LIPA: variants seen among roughly 807,000 people sequenced by gnomAD.
LIPA encodes lysosomal acid lipase/cholesteryl ester hydrolase.
In LIPA, 26 loss-of-function variants were observed where a neutral mutation model predicts 40.6. The observed-to-expected ratio is 0.64, with a 90% CI of 0.47 to 0.89. The LOEUF (loss-of-function observed/expected upper bound fraction) is 0.89. LIPA is among the 40% of genes least tolerant of loss of function. The pLI, the probability that LIPA is intolerant of heterozygous loss-of-function variation, is 0.00. For synonymous variants in LIPA, 188 were observed against 168.4 expected (o/e 1.12, Z -0.90); for missense variants, 455 against 479.6 (o/e 0.95, Z 0.48).
At chr10:89,320,031 A>C (rs1589599881) in intron 1 of LIPA, among the ~76,000 whole-genome samples, 1 of 152,234 alleles carries the variant, frequency 6.6e-6, no homozygotes, top group East Asian at 1.9e-4. Flanking sequence ...TTCATGCTAA[A>C]AACTCTCAAT....
intron 2 of LIPA, among the ~76,000 whole-genome samples, chr10:89,366,903 T>C (rs142161805): frequency 0.017 from 2,552 of 152,184 alleles, 36 homozygotes; most frequent in African/African-American, 0.04. Flanking sequence ...CTATTCACAA[T>C]AGCAAAGACT....
At position 89,404,941 on chromosome 10, in the gene LIPA, T is replaced by C. The variant is rs576147928; in HGVS notation, c.61+7850A>G. On this transcript the variant is annotated intron_variant, in intron 2 of 8. Coordinates refer to the LIPA transcript ENST00000371837. ...TGCCACTGCACTCCATTCTGGATGA[T>C]AGAACGAGACCCCATCTCAAAAAAA... 7 of 151,046 alleles carry C rather than the reference T, an allele frequency of 4.6e-5. No individual in the cohort carries two copies. In the South Asian group the frequency reaches 6.2e-4, roughly 13 times the overall value. The allele number at this position is 151,046 out of a possible 1,614,324, so 9.4% of individuals were successfully genotyped here. A position where few individuals can be genotyped will look rare whatever the true frequency, so the allele number is the denominator to read the frequency against.
chr10:89,306,095 C>A (rs369661844), intron 1 of LIPA: 38 of 1,613,950 alleles, frequency 2.4e-5, no homozygotes, highest in Non-Finnish European at 3.0e-5. Flanking sequence ...GTTTCAGAAT[C>A]GTGAATTCAA....
chr10:89,302,158 G>A, intron 1 of LIPA: 1 of 1,612,696 alleles, frequency 6.2e-7, no homozygotes, highest in Non-Finnish European at 8.5e-7. Flanking sequence ...ATTCGGTAGT[G>A]CTGTTGAGTC....
intron 1 of LIPA, among the ~76,000 whole-genome samples, chr10:89,328,395 G>A (rs1304807603): frequency 6.6e-6 from 1 of 152,164 alleles, no homozygotes; most frequent in Non-Finnish European, 1.5e-5. Context: ...GGCAGGAGCG[G>A]TGTATTTCAC....
chr10:89,305,968 C>T, intron 1 of LIPA: 1 of 1,608,856 alleles, frequency 6.2e-7, no homozygotes, highest in South Asian at 1.1e-5. Context: ...ACAGTGAGAA[C>T]AATAAGAATT....
chr10:89,409,669 C>A (rs1841455614), intron 2 of LIPA, among the ~76,000 whole-genome samples: 1 of 152,202 alleles, frequency 6.6e-6, no homozygotes, highest in Admixed American at 6.5e-5. Context: ...GTGCAGCTTT[C>A]TCAGTGTTAA....
intron 2 of LIPA, among the ~76,000 whole-genome samples, chr10:89,401,203 G>A (rs928925498): frequency 6.6e-6 from 1 of 150,504 alleles, no homozygotes; most frequent in African/African-American, 2.5e-5. Flanking sequence ...TGCAACCTCT[G>A]CCTCTCAGAC....
chr10:89,245,969 C>T (rs886930338), intron 2 of LIPA, among the ~76,000 whole-genome samples, 176 bp from the exon 3 acceptor site: 1 of 152,066 alleles, frequency 6.6e-6, no homozygotes, highest in African/African-American at 2.4e-5. Flanking sequence ...TAAATCCTCC[C>T]TTGTTTCACG....
At chr10:89,384,048 C>T (rs766778806) in intron 2 of LIPA, 1 of 1,614,134 alleles carries the variant, frequency 6.2e-7, no homozygotes, top group East Asian at 2.2e-5. Context: ...AAGCTCTGAC[C>T]AGTATATCTT....
At chr10:89,405,897 G>A (rs531844960) in intron 2 of LIPA, 3 of 152,198 alleles carry the variant, frequency 2.0e-5, no homozygotes, top group East Asian at 1.9e-4. Flanking sequence ...ACGATTGCGG[G>A]GGGGGCATTA....
At chr10:89,297,781 C>T (rs1272038676) in intron 1 of LIPA, among the ~76,000 whole-genome samples, 1 of 151,970 alleles carries the variant, frequency 6.6e-6, no homozygotes, top group Non-Finnish European at 1.5e-5. Flanking sequence ...GAGAGCAGAG[C>T]CCCTTCTTGT....
intron 1 of LIPA, among the ~76,000 whole-genome samples, chr10:89,334,478 CTTTTTTTTTTTTTTTTTTTTTTTTTT>C (rs578154457): frequency 9.5e-4 from 24 of 25,342 alleles, no homozygotes; most frequent in African/African-American, 3.9e-3. Flanking sequence ...TTCTTTTATT[CTTTTTTTTTTTTTTTTTTTTTTTTTT>C]TTTTTTTTTG....
intron 1 of LIPA, among the ~76,000 whole-genome samples, chr10:89,334,445 A>G (rs1043855466): frequency 5.8e-5 from 8 of 138,276 alleles, no homozygotes; most frequent in African/African-American, 2.1e-4. Context: ...ACCTGAACCT[A>G]GCTATTCTGT....
chr10:89,306,222 C>A, intron 1 of LIPA: 1 of 1,614,112 alleles, frequency 6.2e-7, no homozygotes, highest in Non-Finnish European at 8.5e-7. Context: ...GCTGACCAGG[C>A]AGAAATCAGA....
At chr10:89,383,338 C>T (rs777595584) in intron 2 of LIPA, 2 of 1,613,046 alleles carry the variant, frequency 1.2e-6, no homozygotes, top group South Asian at 1.1e-5. Context: ...TGATGGAAAG[C>T]TTATTGAAGA....
At chr10:89,325,248 C>T (rs2133534870) in intron 1 of LIPA, among the ~76,000 whole-genome samples, 1 of 152,174 alleles carries the variant, frequency 6.6e-6, no homozygotes, top group African/African-American at 2.4e-5. Context: ...GAAAAGGGAA[C>T]ACTTACAAAC....
chr10:89,267,250 A>T (rs1254985782), intron 1 of LIPA, among the ~76,000 whole-genome samples: 2 of 152,088 alleles, frequency 1.3e-5, no homozygotes, highest in Non-Finnish European at 2.9e-5. Context: ...TGGGCAGGGG[A>T]AGCATAAGAT....
chr10:89,413,578 G>A (rs1445669277), intron 1 of LIPA, among the ~76,000 whole-genome samples: 2 of 152,104 alleles, frequency 1.3e-5, no homozygotes, highest in East Asian at 3.9e-4. Context: ...ACCAGCCTGG[G>A]CAACATGGCA....
Sources: allele counts gnomAD v4.1 joint callset (sites outside exome capture counted in the v4.1 genomes callset), GRCh38; gene constraint gnomAD v4.1.1; transcripts MANE v1.5; gene names NCBI Gene and HGNC (gene_info 2026-07-23, HGNC 2026-07-21).